SFT2D1: variants seen among roughly 807,000 people sequenced by gnomAD.
The protein encoded by SFT2D1 is SFT2 domain containing 1, also known as vesicle transport protein SFT2A.
A neutral mutation model predicts 28.1 loss-of-function variants in SFT2D1; 24 were observed. The observed-to-expected ratio is 0.85, with a 90% confidence interval of 0.62 to 1.20. The LOEUF (loss-of-function observed/expected upper bound fraction) is 1.20, where lower values mean the gene tolerates loss of function less well. SFT2D1 is among the 50% of genes most tolerant of loss of function. SFT2D1 has a pLI of 0.00. For synonymous variants in SFT2D1, 82 were observed against 73.7 expected (o/e 1.11, Z -0.58); for missense variants, 181 against 190.9 (o/e 0.95, Z 0.31).
At chr6:166,333,012 C>T (rs1466551142) in intron 1 of SFT2D1, among the ~76,000 whole-genome samples, 1 of 152,208 alleles carries the variant, frequency 6.6e-6, no homozygotes, top group African/African-American at 2.4e-5. Flanking sequence ...AGGACCTGAG[C>T]CTTGCCCCTG....
intron 1 of SFT2D1, among the ~76,000 whole-genome samples, chr6:166,337,908 G>T (rs1193957417): frequency 6.6e-6 from 1 of 152,108 alleles, no homozygotes; most frequent in Non-Finnish European, 1.5e-5. Context: ...TGGGGATGGA[G>T]TCCTCATGAA....
Position 166,319,958 on chromosome 6 carries a change from A to T in SFT2D1, c.*259T>A. 2.8e-6 allele frequency: 1 copy of T among 355,324 alleles called. No homozygotes were observed. The highest frequency in any genetic ancestry group is 5.0e-6 in the Non-Finnish European group (1 of 199,326). 22.0% of individuals were successfully genotyped at this position (355,324 alleles called of 1,614,324 possible). On this transcript the variant is annotated 3_prime_UTR_variant, in exon 8 of 8. Transcript: ENST00000361731. ...TTTGAAAAGATTTAAAAATTGGCTAAAAATAATTTACAACTGGCAGTGATT... is the reference window on the plus strand; with the variant it reads ...TTTGAAAAGATTTAAAAATTGGCTATAAATAATTTACAACTGGCAGTGATT...
chr6:166,333,914 A>G (rs937589570), intron 1 of SFT2D1, among the ~76,000 whole-genome samples: 11 of 151,754 alleles, frequency 7.2e-5, no homozygotes, highest in Admixed American at 2.0e-4. Flanking sequence ...AAACCACCAA[A>G]CCACCAAACA....
intron 4 of SFT2D1, among the ~76,000 whole-genome samples, chr6:166,327,408 G>A (rs980905713): frequency 4.6e-5 from 7 of 152,068 alleles, no homozygotes; most frequent in Admixed American, 2.6e-4. Context: ...TCATCTACCC[G>A]CCACCCAGGC....
intron 5 of SFT2D1, among the ~76,000 whole-genome samples, chr6:166,325,382 T>G (rs1778425011): frequency 6.6e-6 from 1 of 152,176 alleles, no homozygotes; most frequent in Admixed American, 6.5e-5. Flanking sequence ...TCAAACCCAT[T>G]TGGGAAATAG....
At chr6:166,340,693 T>G (rs1234930688) in intron 1 of SFT2D1, among the ~76,000 whole-genome samples, 1 of 150,024 alleles carries the variant, frequency 6.7e-6, no homozygotes, top group East Asian at 2.0e-4. Flanking sequence ...TGACTTTTTC[T>G]GTGGCTGTCT....
intron 3 of SFT2D1, 41 bp from the exon 4 acceptor site, chr6:166,328,398 A>G: frequency 8.5e-7 from 1 of 1,170,066 alleles, no homozygotes; most frequent in Non-Finnish European, 1.2e-6. Context: ...CAGGTCTACT[A>G]ATTTATCTGG....
chr6:166,336,447 A>C (rs917589538), intron 1 of SFT2D1, among the ~76,000 whole-genome samples: 1 of 152,242 alleles, frequency 6.6e-6, no homozygotes, highest in African/African-American at 2.4e-5. Context: ...AATTGTATGT[A>C]GCTAATAAAC....
intron 1 of SFT2D1, chr6:166,334,967 G>A: frequency 2.1e-6 from 1 of 471,574 alleles, no homozygotes; most frequent in South Asian, 1.7e-5. Context: ...TGGAAAAACT[G>A]AAGTGACTGA....
At chr6:166,335,141 T>C in intron 1 of SFT2D1, 1 of 605,852 alleles carries the variant, frequency 1.7e-6, no homozygotes, top group South Asian at 1.4e-5. Context: ...GCTAGTGCTT[T>C]ATCCAGCCAA....
At chr6:166,321,107 T>G (rs901650703) in intron 7 of SFT2D1, among the ~76,000 whole-genome samples, 2 of 149,600 alleles carry the variant, frequency 1.3e-5, no homozygotes, top group African/African-American at 4.9e-5. Context: ...TGAGACTCCA[T>G]CTCAAAAAAA....
Position 166,324,528 on chromosome 6 carries a change from A to T in SFT2D1, c.410+9T>A, listed in dbSNP as rs761031713. The T allele has an allele frequency of 6.2e-7, 1 of 1,610,128 alleles. No homozygotes were observed. Among genetic ancestry groups the T allele is most frequent in the Non-Finnish European group, 8.5e-7 (1 of 1,178,644 alleles). ...TTTTAACACTTCACTAGGGTAAGGA[A>T]AGACTTACCAGGTCATTGACAAGAA... On this transcript the variant is annotated intron_variant, in intron 6 of 7. Transcript: ENST00000361731.
At chr6:166,324,516 C>CTA in intron 6 of SFT2D1, 21 bp downstream of exon 6, 1 of 1,605,018 alleles carries the variant, frequency 6.2e-7, no homozygotes, top group Non-Finnish European at 8.5e-7. Context: ...TAACACTTCA[C>CTA]TAGGGTAAGG....
At chr6:166,337,909 T>C (rs1245719514) in intron 1 of SFT2D1, among the ~76,000 whole-genome samples, 3 of 151,672 alleles carry the variant, frequency 2.0e-5, no homozygotes, top group Non-Finnish European at 4.4e-5. Context: ...GGGGATGGAG[T>C]CCTCATGAAT....
chr6:166,321,275 AT>A (rs1383691607), intron 7 of SFT2D1, among the ~76,000 whole-genome samples: 1 of 152,230 alleles, frequency 6.6e-6, no homozygotes, highest in Non-Finnish European at 1.5e-5. Context: ...GCCATAAAAA[AT>A]ATCCACTAAT....
At chr6:166,325,261 C>T (rs565560401) in intron 5 of SFT2D1, among the ~76,000 whole-genome samples, 1 of 152,134 alleles carries the variant, frequency 6.6e-6, no homozygotes, top group African/African-American at 2.4e-5. Flanking sequence ...AAGTCCTGTC[C>T]TTACATCATC....
At chr6:166,329,439 A>T in intron 3 of SFT2D1, 68 bp downstream of exon 3, 1 of 1,334,562 alleles carries the variant, frequency 7.5e-7, no homozygotes, top group Non-Finnish European at 1.1e-6. Flanking sequence ...TCCTACTGGG[A>T]AAGTGCTTAT....
At chr6:166,322,584 T>C (rs1436756298) in intron 7 of SFT2D1, among the ~76,000 whole-genome samples, 1 of 150,970 alleles carries the variant, frequency 6.6e-6, no homozygotes, top group Non-Finnish European at 1.5e-5. Context: ...TCCCAGCTAC[T>C]TAGGAGGCTG....
chr6:166,339,196 CG>C (rs2114914900), intron 1 of SFT2D1, among the ~76,000 whole-genome samples: 1 of 152,206 alleles, frequency 6.6e-6, no homozygotes, highest in South Asian at 2.1e-4. Flanking sequence ...TCTCACCTTC[CG>C]GCTAGGTTTG....
Sources: allele counts gnomAD v4.1 joint callset (sites outside exome capture counted in the v4.1 genomes callset), GRCh38; gene constraint gnomAD v4.1.1; transcripts MANE v1.5; gene names NCBI Gene and HGNC (gene_info 2026-07-23, HGNC 2026-07-21).